The following MYO1B variants were observed in gnomAD, a reference collection of about 807,000 sequenced individuals.
MYO1B encodes the protein myosin IB.
A neutral mutation model predicts 159.7 loss-of-function variants in MYO1B; 72 were observed. That is an observed-to-expected ratio of 0.45 (90% CI 0.37 to 0.55). The LOEUF is 0.55. MYO1B is among the 20% of genes least tolerant of loss of function. The pLI, the probability that MYO1B is intolerant of heterozygous loss-of-function variation, is 0.00. For synonymous variants in MYO1B, 468 were observed against 473.8 expected (o/e 0.99, Z 0.16); for missense variants, 1,062 against 1,364.8 (o/e 0.78, Z 3.50).
At chr2:191,357,448 G>A (rs893027967) in intron 7 of MYO1B, among the ~76,000 whole-genome samples, 1 of 152,072 alleles carries the variant, frequency 6.6e-6, no homozygotes, top group Non-Finnish European at 1.5e-5. Flanking sequence ...CCACTAGAGT[G>A]GCTTAATATG....
At chr2:191,366,792 C>T (rs2126027597) in intron 11 of MYO1B, among the ~76,000 whole-genome samples, 1 of 152,064 alleles carries the variant, frequency 6.6e-6, no homozygotes, top group Non-Finnish European at 1.5e-5. Context: ...AAATGCTCTA[C>T]CTGATTGTGC....
intron 1 of MYO1B, among the ~76,000 whole-genome samples, chr2:191,255,372 C>T (rs1686376707): frequency 6.6e-6 from 1 of 152,148 alleles, no homozygotes; most frequent in Non-Finnish European, 1.5e-5. Flanking sequence ...GGACAGGGGG[C>T]TGTGAGAAAC....
intron 1 of MYO1B, among the ~76,000 whole-genome samples, chr2:191,256,284 A>G (rs1218930641): frequency 1.3e-5 from 2 of 152,116 alleles, no homozygotes; most frequent in Non-Finnish European, 2.9e-5. Context: ...TGTAGCTTAA[A>G]CGGTCTGCCT....
At chr2:191,351,392 C>G (rs1473895181) in intron 7 of MYO1B, among the ~76,000 whole-genome samples, 1 of 152,140 alleles carries the variant, frequency 6.6e-6, no homozygotes, top group Middle Eastern at 3.4e-3. Context: ...ATCTTCCTGA[C>G]TAGCCCTAGC....
rs376584596 is a variant in MYO1B at position 191,408,018 on chromosome 2, A to T, written c.2557-97A>T. 2.4e-5 allele frequency: 17 copies of T among 722,152 alleles called. No individual in the cohort carries two copies. The East Asian group carries it at 4.5e-4, about 19-fold the overall frequency. 44.7% of individuals were successfully genotyped at this position (722,152 alleles called of 1,614,324 possible). On this transcript the variant is annotated intron_variant, in intron 24 of 30. Coordinates refer to ENST00000392318, the MANE Select transcript of MYO1B (RefSeq NM_001130158.3). Reference sequence around the variant, plus strand: ...ATCTAGAAAGGACACTTATAAACTGACTTGTTTGACATTTTTTCATTTTTA... The same window carrying T: ...ATCTAGAAAGGACACTTATAAACTGTCTTGTTTGACATTTTTTCATTTTTA...
intron 1 of MYO1B, among the ~76,000 whole-genome samples, chr2:191,248,870 C>T (rs1225991007): frequency 6.6e-6 from 1 of 152,112 alleles, no homozygotes; most frequent in Non-Finnish European, 1.5e-5. Flanking sequence ...AAATTACTTT[C>T]ACGTCTATTA....
At chr2:191,403,166 AC>A (rs1696719015) in intron 24 of MYO1B, among the ~76,000 whole-genome samples, 2 of 152,176 alleles carry the variant, frequency 1.3e-5, no homozygotes, top group Admixed American at 1.3e-4. Flanking sequence ...CTTCAGAGCG[AC>A]CATTGTTCTA....
intron 2 of MYO1B, among the ~76,000 whole-genome samples, chr2:191,278,699 G>T (rs4853463): frequency 0.52 from 79,049 of 152,116 alleles, 21,525 homozygotes; most frequent in East Asian, 0.66. Context: ...AGAGCAGGGG[G>T]TGGCATTGTT....
chr2:191,408,056 C>T, intron 24 of MYO1B, 59 bp from the exon 25 acceptor site: 1 of 1,103,464 alleles, frequency 9.1e-7, no homozygotes, highest in Non-Finnish European at 1.4e-6. Context: ...AGAGGTGTAT[C>T]ATTATGGACC....
chr2:191,320,388 A>G (rs1326537270), intron 3 of MYO1B, among the ~76,000 whole-genome samples: 1 of 152,144 alleles, frequency 6.6e-6, no homozygotes, highest in Non-Finnish European at 1.5e-5. Context: ...TTACAGTATC[A>G]TGATATGAAT....
chr2:191,303,891 TTAAA>T (rs1689483681), intron 3 of MYO1B, among the ~76,000 whole-genome samples: 1 of 152,150 alleles, frequency 6.6e-6, no homozygotes, highest in African/African-American at 2.4e-5. Context: ...TTTAGATGCC[TTAAA>T]TAAACATCTC....
intron 18 of MYO1B, among the ~76,000 whole-genome samples, chr2:191,391,216 C>A (rs1000811478): frequency 6.6e-6 from 1 of 152,184 alleles, no homozygotes; most frequent in Admixed American, 6.5e-5. Flanking sequence ...GAAGGCTTGC[C>A]CCTGAATACT....
At chr2:191,364,301 G>C in intron 11 of MYO1B, 25 bp downstream of exon 11, 1 of 1,548,818 alleles carries the variant, frequency 6.5e-7, no homozygotes, top group Non-Finnish European at 8.9e-7. Context: ...ATGTACAGAC[G>C]AAAGTTTCTT....
At chr2:191,374,808 T>C (rs1362858988) in intron 13 of MYO1B, among the ~76,000 whole-genome samples, 1 of 152,240 alleles carries the variant, frequency 6.6e-6, no homozygotes, top group African/African-American at 2.4e-5. Flanking sequence ...GCAAATACTC[T>C]GATTCCACAC....
At chr2:191,364,000 A>G (rs758213366) in intron 10 of MYO1B, 125 bp downstream of exon 10, 17 of 1,303,702 alleles carry the variant, frequency 1.3e-5, no homozygotes, top group Middle Eastern at 1.8e-4. Context: ...AATGAAACTG[A>G]GCAGAAATAG....
chr2:191,279,750 A>G (rs747976393), intron 2 of MYO1B, among the ~76,000 whole-genome samples: 39 of 151,644 alleles, frequency 2.6e-4, no homozygotes, highest in Non-Finnish European at 4.6e-4. Flanking sequence ...TCTTTCCAAG[A>G]AAATGAAGAT....
intron 3 of MYO1B, among the ~76,000 whole-genome samples, chr2:191,323,854 AT>A (rs977983619): frequency 2.6e-4 from 40 of 152,220 alleles, no homozygotes; most frequent in African/African-American, 8.9e-4. Context: ...ATGGCCACTT[AT>A]GTTTAGGATA....
chr2:191,409,029 G>A lies in MYO1B; in HGVS notation c.2632-15G>A, dbSNP rs747340907. ...ATATTTTCCTCATGTAGTATTTTCT[G>A]TCAACCCAACACAGGTGCAAAAATA... On this transcript the variant is annotated splice_polypyrimidine_tract_variant and intron_variant, in intron 25 of 30. Coordinates refer to ENST00000392318, the MANE Select transcript of MYO1B (RefSeq NM_001130158.3). 3.1e-6 allele frequency: 5 copies of A among 1,595,228 alleles called. No homozygotes were observed. Among genetic ancestry groups the A allele is most frequent in the Middle Eastern group, 3.7e-4 (2 of 5,426 alleles).
In MYO1B at chr2:191,259,478, T is replaced by C. The variant is rs546369636; in HGVS notation, c.-10+13852T>C. 9.2e-5 allele frequency among the ~76,000 whole-genome samples: 14 copies of C among 152,376 alleles called. No individual in the cohort carries two copies. The East Asian group carries it at 1.3e-3, about 15-fold the overall frequency. ...ATAATCATAGAGTACATACATTTTC[T>C]ATATTGCTACATAGTATTTGAAATA... On this transcript the variant is annotated intron_variant, in intron 1 of 30. Transcript: ENST00000392318.
Sources: allele counts gnomAD v4.1 joint callset (sites outside exome capture counted in the v4.1 genomes callset), GRCh38; gene constraint gnomAD v4.1.1; transcripts MANE v1.5; gene names NCBI Gene and HGNC (gene_info 2026-07-23, HGNC 2026-07-21).